TBC1D22A: variants seen among roughly 807,000 people sequenced by gnomAD.
TBC1D22A encodes putative GTPase activator.
A neutral mutation model predicts 60.2 loss-of-function variants in TBC1D22A; 38 were observed. That is an observed-to-expected ratio of 0.63 (90% CI 0.49 to 0.83). The LOEUF (loss-of-function observed/expected upper bound fraction) is 0.83, where lower values mean the gene tolerates loss of function less well. Ranked by LOEUF, TBC1D22A falls within the 40% of genes least tolerant of loss-of-function variation. The pLI is 0.00. For synonymous variants in TBC1D22A, 302 were observed against 281.7 expected (o/e 1.07, Z -0.72); for missense variants, 628 against 701.0 (o/e 0.90, Z 1.18).
rs571170479 is a variant in TBC1D22A, at chr22:47,146,028, C to T, written c.1426-27470C>T. 2.0e-5 allele frequency among the ~76,000 whole-genome samples: 3 copies of T among 151,000 alleles called. No individual in the cohort carries two copies. The South Asian group carries it at 6.3e-4, about 32-fold the overall frequency. ...CTTAAAGCAGGGGTTGACCAGGAGG[C>T]CATGGCGCAGAGATGCACTGGATTG... On this transcript the variant is annotated intron_variant, in intron 12 of 12. Coordinates refer to ENST00000337137, the MANE Select transcript of TBC1D22A (RefSeq NM_014346.5).
chr22:47,043,342 G>A (rs118146218), intron 11 of TBC1D22A, among the ~76,000 whole-genome samples: 4 of 152,080 alleles, frequency 2.6e-5, no homozygotes, highest in South Asian at 4.1e-4. Context: ...CAGGTGGGCC[G>A]GGGCGACGGG....
intron 4 of TBC1D22A, among the ~76,000 whole-genome samples, chr22:46,819,672 C>G (rs1039724972): frequency 1.3e-5 from 2 of 152,230 alleles, no homozygotes; most frequent in Non-Finnish European, 2.9e-5. Context: ...CATTGATGTT[C>G]ATCAGGGATA....
chr22:47,101,592 C>T (rs1211642990), intron 11 of TBC1D22A, among the ~76,000 whole-genome samples: 2 of 152,206 alleles, frequency 1.3e-5, no homozygotes, highest in African/African-American at 4.8e-5. Context: ...ACGGGACATG[C>T]TTGGTTTCCA....
At chr22:46,895,963 G>A (rs991442563) in intron 7 of TBC1D22A, among the ~76,000 whole-genome samples, 1 of 152,128 alleles carries the variant, frequency 6.6e-6, no homozygotes, top group Non-Finnish European at 1.5e-5. Flanking sequence ...CCAGACGGCC[G>A]CTACCAAATA....
chr22:46,971,035 G>T (rs773857169), intron 8 of TBC1D22A, among the ~76,000 whole-genome samples: 1 of 152,130 alleles, frequency 6.6e-6, no homozygotes, highest in Non-Finnish European at 1.5e-5. Flanking sequence ...CTCTGGCGGG[G>T]GATATTTATC....
At chr22:46,767,062 G>T (rs2083314362) in intron 1 of TBC1D22A, among the ~76,000 whole-genome samples, 1 of 152,156 alleles carries the variant, frequency 6.6e-6, no homozygotes. Flanking sequence ...GAGTGGTTTG[G>T]CCAGGGCTAT....
chr22:47,070,516 A>G (rs71313088), intron 11 of TBC1D22A, among the ~76,000 whole-genome samples: 67 of 98,606 alleles, frequency 6.8e-4, no homozygotes, highest in Middle Eastern at 0.014. Flanking sequence ...GTTGGAGCGG[A>G]GCTGACCTGA....
intron 12 of TBC1D22A, among the ~76,000 whole-genome samples, chr22:47,147,963 G>A (rs925087317): frequency 1.3e-5 from 2 of 152,286 alleles, no homozygotes; most frequent in East Asian, 1.9e-4. Flanking sequence ...GCTCCTGGGA[G>A]GGCTGGGGAA....
chr22:47,101,987 G>T (rs1296332144), intron 11 of TBC1D22A, among the ~76,000 whole-genome samples: 1 of 152,094 alleles, frequency 6.6e-6, no homozygotes, highest in African/African-American at 2.4e-5. Context: ...AGTCTTTTTG[G>T]CTTTCTGCTG....
At chr22:46,988,557 A>G (rs1405198832) in intron 9 of TBC1D22A, among the ~76,000 whole-genome samples, 1 of 152,248 alleles carries the variant, frequency 6.6e-6, no homozygotes, top group Non-Finnish European at 1.5e-5. Flanking sequence ...TGTCTCCATC[A>G]GAGCTCTTGG....
intron 9 of TBC1D22A, among the ~76,000 whole-genome samples, chr22:46,980,741 G>A (rs1425284705): frequency 1.3e-5 from 2 of 152,268 alleles, no homozygotes; most frequent in East Asian, 3.9e-4. Flanking sequence ...AGCTGTGGCT[G>A]GGAATTTTTC....
chr22:47,004,120 C>T (rs2061497869), intron 10 of TBC1D22A, among the ~76,000 whole-genome samples: 1 of 150,246 alleles, frequency 6.7e-6, no homozygotes, highest in Non-Finnish European at 1.5e-5. Flanking sequence ...TTCACAGATG[C>T]CTATACACAC....
At chr22:46,964,327 G>T (rs2073692502) in intron 8 of TBC1D22A, among the ~76,000 whole-genome samples, 2 of 152,142 alleles carry the variant, frequency 1.3e-5, no homozygotes, top group South Asian at 4.1e-4. Context: ...TACCTTCTGG[G>T]CATGTGGAGG....
intron 7 of TBC1D22A, among the ~76,000 whole-genome samples, chr22:46,904,958 T>C (rs1247195793): frequency 6.6e-6 from 1 of 150,964 alleles, no homozygotes; most frequent in Non-Finnish European, 1.5e-5. Context: ...GTATTTTTAG[T>C]AGAGACGGGG....
intron 3 of TBC1D22A, among the ~76,000 whole-genome samples, chr22:46,794,792 G>A (rs949136086): frequency 7.2e-5 from 11 of 152,298 alleles, no homozygotes; most frequent in African/African-American, 2.6e-4. Context: ...GTGTCTTCGT[G>A]TCAGTGGTGC....
chr22:46,806,197 G>A (rs1041501450), intron 4 of TBC1D22A, among the ~76,000 whole-genome samples: 4 of 152,156 alleles, frequency 2.6e-5, no homozygotes, highest in Non-Finnish European at 4.4e-5. Flanking sequence ...GCCGAGCGCT[G>A]TGTGGAAAAC....
chr22:46,913,017 T>C (rs1024724810), intron 8 of TBC1D22A, among the ~76,000 whole-genome samples: 45 of 152,362 alleles, frequency 3.0e-4, no homozygotes, highest in African/African-American at 9.6e-4. Flanking sequence ...AGAGTATTAA[T>C]TACTTGTGAA....
Position 47,169,249 on chromosome 22 carries a change from C to T in TBC1D22A, c.1426-4249C>T, listed in dbSNP as rs184320101. Among the ~76,000 whole-genome samples the T allele has an allele frequency of 3.6e-3, 545 of 152,346 alleles. 1 individual carries two copies. The highest frequency in any genetic ancestry group is 0.013 in the African/African-American group (527 of 41,588). The stretch of plus-strand genomic sequence containing the variant: ...TGTGGGTAGGGCCAACCCCCACCCC[C>T]ACCGGCCCTCAACTTCAACAGGGGT... On this transcript the variant is annotated intron_variant, in intron 12 of 12. Transcript: ENST00000337137.
intron 11 of TBC1D22A, among the ~76,000 whole-genome samples, chr22:47,041,394 C>T (rs1301901834): frequency 7.2e-5 from 11 of 152,188 alleles, no homozygotes; most frequent in African/African-American, 2.2e-4. Flanking sequence ...CGCCTCACAC[C>T]GCACTCAGGG....
Sources: gnomAD v4.1 joint callset for allele counts (sites outside exome capture counted in the v4.1 genomes callset) on GRCh38, gnomAD v4.1.1 for gene constraint, MANE v1.5 for transcripts, NCBI Gene and HGNC (gene_info 2026-07-23, HGNC 2026-07-21) for gene names.